SIK2: variants seen among roughly 807,000 people sequenced by gnomAD.
SIK2 encodes the protein salt inducible kinase 2.
SIK2 carries 29 observed loss-of-function variants against 103.2 expected under a neutral mutation model. The observed-to-expected ratio is 0.28, with a 90% CI of 0.21 to 0.38. SIK2 has a LOEUF of 0.38. Ranked by LOEUF, SIK2 falls within the 10% of genes least tolerant of loss-of-function variation. The pLI, the probability that SIK2 is intolerant of heterozygous loss-of-function variation, is 1.00. For missense variants in SIK2, 879 were observed against 1,171.0 expected (o/e 0.75, Z 3.64); for synonymous variants, 412 against 446.1 (o/e 0.92, Z 0.96).
chr11:111,635,871 A>G (rs1033466272), intron 3 of SIK2, among the ~76,000 whole-genome samples: 1 of 152,242 alleles, frequency 6.6e-6, no homozygotes, highest in Admixed American at 6.5e-5. Context: ...AGTTGTAGCT[A>G]GGCTACAGTG....
rs1379706606 is a variant in SIK2 at position 111,688,353 on chromosome 11, T to C, written c.478+191T>C. On this transcript the variant is annotated intron_variant, in intron 4 of 14. Transcript: ENST00000304987. The surrounding 1 kb of genome is among the most constrained non-coding windows in gnomAD (Gnocchi z 4.2). ...TAAGGGAATGAGTTCATTATTAATA[T>C]ACACAGGTCAGAGCTACATCTGGGG... 1.3e-5 allele frequency among the ~76,000 whole-genome samples: 2 copies of C among 152,226 alleles called. No homozygotes were observed. Among genetic ancestry groups the C allele is most frequent in the African/African-American group, 4.8e-5 (2 of 41,464 alleles).
At chr11:111,707,348 T>G (rs1414657237) in intron 8 of SIK2, among the ~76,000 whole-genome samples, 1 of 152,192 alleles carries the variant, frequency 6.6e-6, no homozygotes, top group East Asian at 1.9e-4. Flanking sequence ...ATGAGCAAAT[T>G]CCCCGGCATA....
rs190990904 is a variant in SIK2 at position 111,646,682 on chromosome 11, C to T, written c.316+26280C>T. ...CTGTACATAGATTAGCTTGTATATT[C>T]TAGAATTTAATAGAAATAGAATCAC... is the stretch of plus-strand genomic sequence containing the variant. On this transcript the variant is annotated intron_variant, in intron 3 of 14. Transcript: ENST00000304987. Among the ~76,000 whole-genome samples the T allele has an allele frequency of 3.1e-3, 475 of 152,256 alleles. 3 individuals carry two copies. The highest frequency in any genetic ancestry group is 4.3e-3 in the Non-Finnish European group (294 of 68,016).
At chr11:111,624,227 T>G (rs1360375923) in intron 3 of SIK2, among the ~76,000 whole-genome samples, 1 of 152,242 alleles carries the variant, frequency 6.6e-6, no homozygotes, top group Non-Finnish European at 1.5e-5. Flanking sequence ...TGCAGTAGGA[T>G]TCTAAATAAA....
intron 3 of SIK2, among the ~76,000 whole-genome samples, chr11:111,648,611 G>C (rs1290577806): frequency 6.6e-6 from 1 of 151,456 alleles, no homozygotes; most frequent in African/African-American, 2.4e-5. Flanking sequence ...GATATATACT[G>C]TAAATATATT....
chr11:111,658,273 C>T (rs1942421036), intron 3 of SIK2, among the ~76,000 whole-genome samples: 1 of 151,910 alleles, frequency 6.6e-6, no homozygotes, highest in African/African-American at 2.4e-5. Flanking sequence ...TACAGGTACG[C>T]ACCACCACGC....
At chr11:111,711,837 A>C (rs1943504874) in intron 8 of SIK2, among the ~76,000 whole-genome samples, 1 of 152,224 alleles carries the variant, frequency 6.6e-6, no homozygotes, top group Non-Finnish European at 1.5e-5. Flanking sequence ...TGAGCTCCTA[A>C]GATTTTTCTA....
At chr11:111,721,984 G>C (rs1401270976) in intron 13 of SIK2, 44 bp downstream of exon 13, 1 of 1,443,774 alleles carries the variant, frequency 6.9e-7, no homozygotes, top group East Asian at 2.3e-5. Flanking sequence ...TGCTCATCCA[G>C]AATCTGTTCT....
At chr11:111,630,399 T>A (rs1428694887) in intron 3 of SIK2, among the ~76,000 whole-genome samples, 1 of 152,164 alleles carries the variant, frequency 6.6e-6, no homozygotes. Context: ...TTTTGAATGG[T>A]GGTTATACAG....
In SIK2 at chr11:111,616,155, A is replaced by C. The variant is rs886938542; in HGVS notation, c.136-88A>C. The stretch of plus-strand genomic sequence containing the variant: ...ATCAGTGTCAGGAACCTACAGGTGA[A>C]GTCTCATGTCATTTATTGACAGGAT... On this transcript the variant is annotated intron_variant, in intron 1 of 14. Coordinates refer to ENST00000304987, the MANE Select transcript of SIK2 (RefSeq NM_015191.3). 5.0e-6 allele frequency: 4 copies of C among 802,014 alleles called. No homozygotes were observed. The African/African-American group carries it at 7.0e-5, about 14-fold the overall frequency. The allele number at this position is 802,014 out of a possible 1,614,324, so 49.7% of individuals were successfully genotyped here.
At chr11:111,714,330 A>G (rs1477471347) in intron 9 of SIK2, among the ~76,000 whole-genome samples, 2 of 152,214 alleles carry the variant, frequency 1.3e-5, no homozygotes, top group Non-Finnish European at 1.5e-5. Context: ...AGTGCTTTCA[A>G]TATGGGGATA....
At chr11:111,647,865 C>T (rs1320969086) in intron 3 of SIK2, among the ~76,000 whole-genome samples, 3 of 151,438 alleles carry the variant, frequency 2.0e-5, no homozygotes, top group African/African-American at 7.3e-5. Flanking sequence ...GAGACTCTGT[C>T]TCAAAAAAAA....
At chr11:111,618,390 A>G (rs568233174) in intron 2 of SIK2, among the ~76,000 whole-genome samples, 1 of 152,288 alleles carries the variant, frequency 6.6e-6, no homozygotes, top group Non-Finnish European at 1.5e-5. Flanking sequence ...AGAGATTTTC[A>G]ATGTAAAAAA....
At position 111,723,588 on chromosome 11, in the gene SIK2, C is replaced by G; in HGVS notation, c.2240C>G (p.Pro747Arg). 1 of 1,614,216 alleles carries G rather than the reference C, an allele frequency of 6.2e-7. No individual in the cohort carries two copies. The highest frequency in any genetic ancestry group is 8.5e-7 in the Non-Finnish European group (1 of 1,180,034). The change falls in exon 15 of 15, where the codon CCA becomes CGA. Residue 747 changes from proline (P) to arginine (R), a missense_variant. By Grantham distance (103) the Pro-to-Arg change is moderately radical (BLOSUM62 -2). Around this residue, in one of 7 missense-constraint regions of SIK2, gnomAD observed 375 missense variants for 416.3 expected, o/e 0.90. Coordinates refer to ENST00000304987, the MANE Select transcript of SIK2 (RefSeq NM_015191.3). The stretch of plus-strand genomic sequence containing the variant: ...ATAGCAGAGAGCTCCTACCCACAGC[C>G]AAGTCAGCAGCTGCCCCTTCCCCGC... The part of the protein sequence containing the change: ...MQIAESSYPQ[P>R]SQQLPLPRQE...
At chr11:111,666,083 G>A (rs1301530234) in intron 3 of SIK2, among the ~76,000 whole-genome samples, 5 of 152,172 alleles carry the variant, frequency 3.3e-5, no homozygotes, top group African/African-American at 1.2e-4. Context: ...GACCTCTCAT[G>A]TGCTTTCTGT....
intron 3 of SIK2, chr11:111,672,384 C>T (rs891722905): frequency 6.1e-5 from 31 of 506,416 alleles, no homozygotes; most frequent in Non-Finnish European, 9.0e-5. Context: ...TGTAGGACTT[C>T]TGGGTCACCC....
At position 111,724,343 on chromosome 11, in the gene SIK2, A is replaced by G. The variant is rs1943902141; in HGVS notation, c.*214A>G. 4 of 648,372 alleles carry G rather than the reference A, an allele frequency of 6.2e-6. No individual in the cohort carries two copies. The highest frequency in any genetic ancestry group is 1.0e-5 in the Non-Finnish European group (4 of 390,256). The allele number at this position is 648,372 out of a possible 1,614,324, so 40.2% of individuals were successfully genotyped here. ...AGTTTTCTGTGGCAAGTGCTGGAAC[A>G]TAGTTGTAGGCTGAGGCTCCTGCCC... On this transcript the variant is annotated 3_prime_UTR_variant, in exon 15 of 15. Transcript: ENST00000304987.
chr11:111,632,219 G>A (rs1322451730), intron 3 of SIK2, among the ~76,000 whole-genome samples: 2 of 152,118 alleles, frequency 1.3e-5, no homozygotes, highest in Non-Finnish European at 1.5e-5. Context: ...AGAAGGAACG[G>A]TACCTCTTCC....
Position 111,701,680 on chromosome 11 carries a change from A to G in SIK2, c.727+105A>G. ...TTTCTAAGAGTTTGGGTGCCAAATA[A>G]AGTGACTGAGCTGTAGGTTAAAAGC... On this transcript the variant is annotated intron_variant, in intron 6 of 14. Coordinates refer to ENST00000304987, the MANE Select transcript of SIK2 (RefSeq NM_015191.3). This position sits in a 1 kb window ranked among gnomAD's most constrained non-coding sequence, Gnocchi z 4.2. 2.1e-6 allele frequency: 3 copies of G among 1,409,848 alleles called. No individual in the cohort carries two copies. The Admixed American group carries it at 6.2e-5, about 29-fold the overall frequency. The allele number at this position is 1,409,848 out of a possible 1,614,324, so 87.3% of individuals were successfully genotyped here.
Sources: allele counts gnomAD v4.1 joint callset (sites outside exome capture counted in the v4.1 genomes callset), GRCh38; gene constraint gnomAD v4.1.1; regional missense constraint gnomAD v4.1.1; non-coding constraint Gnocchi (gnomAD v3.1); transcripts MANE v1.5; gene names NCBI Gene and HGNC (gene_info 2026-07-23, HGNC 2026-07-21).